Variants in GIGYF2 observed in about 807,000 individuals in gnomAD.
GIGYF2 encodes the protein GRB10 interacting GYF protein 2.
GIGYF2 carries 25 observed loss-of-function variants against 208.1 expected under a neutral mutation model. The observed-to-expected ratio is 0.12, with a 90% CI of 0.09 to 0.17. The LOEUF (loss-of-function observed/expected upper bound fraction) is 0.17. Among genes scored for constraint, GIGYF2 ranks in the 10% least tolerant of loss-of-function variants. GIGYF2 has a pLI of 1.00. For missense variants in GIGYF2, 1,302 were observed against 1,579.4 expected, an observed-to-expected ratio of 0.82 and a Z score of 2.98; for synonymous variants, 534 against 543.8, an observed-to-expected ratio of 0.98 and a Z score of 0.25.
intron 20 of GIGYF2, among the ~76,000 whole-genome samples, chr2:232,817,850 T>TA (rs1244049166): frequency 6.6e-6 from 1 of 152,230 alleles, no homozygotes; most frequent in Non-Finnish European, 1.5e-5. Context: ...GGTGTATAGA[T>TA]ACCTGTTTGA....
chr2:232,737,753 T>C (rs1242165027), intron 3 of GIGYF2, among the ~76,000 whole-genome samples: 1 of 152,054 alleles, frequency 6.6e-6, no homozygotes, highest in Non-Finnish European at 1.5e-5. Flanking sequence ...ATACGGTGTT[T>C]ATTAAGGTCA....
At chr2:232,850,191 C>T in intron 27 of GIGYF2, 71 bp from the exon 28 acceptor site, 2 of 1,311,078 alleles carry the variant, frequency 1.5e-6, no homozygotes, top group South Asian at 2.4e-5. Context: ...TGAGGACAAA[C>T]CAAACATTTT....
intron 13 of GIGYF2, among the ~76,000 whole-genome samples, chr2:232,795,504 C>T (rs1452699761): frequency 6.6e-6 from 1 of 152,164 alleles, no homozygotes; most frequent in Non-Finnish European, 1.5e-5. Context: ...TAAAACGTTT[C>T]ATTTATAATT....
chr2:232,844,450 C>G lies in GIGYF2; in HGVS notation c.3181C>G (p.Leu1061Val). The G allele has an allele frequency of 6.2e-7, 1 of 1,611,736 alleles. No individual in the cohort carries two copies. The highest frequency in any genetic ancestry group is 8.5e-7 in the Non-Finnish European group (1 of 1,177,836). Residue 1061 changes from leucine to valine, a missense_variant, in exon 25 of 29, where the codon CTA becomes GTA. Around this residue, in one of 8 missense-constraint regions of GIGYF2, gnomAD observed 701 missense variants for 793.0 expected, o/e 0.88. Transcript: ENST00000373563. ...TCCTCCTAACCAGTGGGCATCTGACCTAGTCAGTAGTATTTGGAGTAATGC... is the reference window on the plus strand; with the variant it reads ...TCCTCCTAACCAGTGGGCATCTGACGTAGTCAGTAGTATTTGGAGTAATGC... ...TGPPNQWASD[L>V]VSSIWSNADT...
At chr2:232,729,755 C>A in intron 2 of GIGYF2, 1 of 750,452 alleles carries the variant, frequency 1.3e-6, no homozygotes, top group Non-Finnish European at 2.5e-6. Flanking sequence ...CTTATCATCC[C>A]AAGGTTTCAC....
At chr2:232,728,073 A>T (rs981634267) in intron 2 of GIGYF2, among the ~76,000 whole-genome samples, 11 of 152,056 alleles carry the variant, frequency 7.2e-5, no homozygotes, top group African/African-American at 2.4e-4. Context: ...TATTTTATGG[A>T]GTAGGTGTTT....
At chr2:232,835,886 T>A (rs1397389941) in intron 22 of GIGYF2, among the ~76,000 whole-genome samples, 1 of 151,966 alleles carries the variant, frequency 6.6e-6, no homozygotes, top group Admixed American at 6.6e-5. Flanking sequence ...CCTGAGAATA[T>A]CCCTGGTGGT....
chr2:232,816,982 G>A lies in GIGYF2; in HGVS notation c.2320G>A (p.Glu774Lys), dbSNP rs1700934909. 6.2e-7 allele frequency: 1 copy of A among 1,613,538 alleles called. No homozygotes were observed. ...GGAGGAAATTCTTCGGCGACAGCAG[G>A]AAGAAGAAAGGAAAAGGCGAGAGGA... is the stretch of plus-strand genomic sequence containing the variant. The part of the protein sequence containing the change: ...QQEEILRRQQ[E>K]EERKRREEEE... Residue 774 changes from glutamate to lysine, a missense_variant, in exon 20 of 29, where the codon GAA (glutamate) becomes AAA (lysine). By Grantham distance (56) the Glu-to-Lys change is moderately conservative (BLOSUM62 1). This residue lies in a region of GIGYF2 where 701 missense variants were observed against 793.0 expected (regional missense o/e 0.88). Transcript: ENST00000373563.
chr2:232,774,256 A>G lies in GIGYF2; in HGVS notation c.532+12820A>G, dbSNP rs924919592. 3.3e-5 allele frequency among the ~76,000 whole-genome samples: 5 copies of G among 152,290 alleles called. No homozygotes were observed. In the Middle Eastern group the frequency reaches 0.01, roughly 311 times the overall value. ...TTGACCCTGCTTAGCCTTTGTGAAT[A>G]ATACAGTTTCATTTGATTAGTTTTG... is the stretch of plus-strand genomic sequence containing the variant. On this transcript the variant is annotated intron_variant, in intron 8 of 28. Coordinates refer to ENST00000373563, the MANE Select transcript of GIGYF2 (RefSeq NM_001103146.3).
intron 23 of GIGYF2, among the ~76,000 whole-genome samples, chr2:232,840,550 TC>T: frequency 7.0e-6 from 1 of 143,810 alleles, no homozygotes; most frequent in Non-Finnish European, 1.6e-5. Context: ...ATTCATTCAT[TC>T]ATTCAACACA....
chr2:232,779,411 A>G (rs1318304201), intron 8 of GIGYF2, among the ~76,000 whole-genome samples: 3 of 152,234 alleles, frequency 2.0e-5, no homozygotes, highest in Admixed American at 2.0e-4. Flanking sequence ...CTATAAATGT[A>G]TCACATTTTT....
At chr2:232,801,722 A>G (rs1349373974) in intron 14 of GIGYF2, among the ~76,000 whole-genome samples, 1 of 152,112 alleles carries the variant, frequency 6.6e-6, no homozygotes, top group Non-Finnish European at 1.5e-5. Flanking sequence ...ATCTCTTGCT[A>G]TTTTTCAAGA....
chr2:232,854,262 G>A (rs369012564), intron 28 of GIGYF2, among the ~76,000 whole-genome samples: 5 of 152,230 alleles, frequency 3.3e-5, no homozygotes, highest in East Asian at 1.9e-4. Flanking sequence ...GGAGGCCAGC[G>A]TGGGCGGATT....
intron 2 of GIGYF2, among the ~76,000 whole-genome samples, chr2:232,720,937 G>A (rs946183271): frequency 1.3e-5 from 2 of 152,120 alleles, no homozygotes; most frequent in African/African-American, 4.8e-5. Context: ...ATATGTGATA[G>A]ACCTACTTGT....
At position 232,707,548 on chromosome 2, in the gene GIGYF2, G is replaced by A. The variant is rs551026280; in HGVS notation, c.-44+4059G>A. 1.1e-4 allele frequency among the ~76,000 whole-genome samples: 16 copies of A among 152,060 alleles called. 1 individual carries two copies. The South Asian group carries it at 1.9e-3, about 18-fold the overall frequency. The stretch of plus-strand genomic sequence containing the variant: ...CTTCAGTGTAACTGGATTAGCAGCC[G>A]TCCTGCAAGATCAGTGAATCAGAGA... On this transcript the variant is annotated intron_variant, in intron 2 of 28. Transcript: ENST00000373563.
rs983002935 is a variant in GIGYF2 at position 232,770,777 on chromosome 2, T to C, written c.532+9341T>C. 8.6e-6 allele frequency: 6 copies of C among 696,558 alleles called. No homozygotes were observed. The African/African-American group carries it at 1.1e-4, about 13-fold the overall frequency. 43.1% of individuals were successfully genotyped at this position (696,558 alleles called of 1,614,324 possible). ...CTTTTCTATCTTAGACATTACCTGCTATCAATATAGATAAATTATTCTGTA... is the reference window on the plus strand; with the variant it reads ...CTTTTCTATCTTAGACATTACCTGCCATCAATATAGATAAATTATTCTGTA... On this transcript the variant is annotated intron_variant, in intron 8 of 28. Transcript: ENST00000373563.
intron 22 of GIGYF2, among the ~76,000 whole-genome samples, chr2:232,839,586 A>G (rs1426113924): frequency 6.6e-6 from 1 of 152,224 alleles, no homozygotes; most frequent in Non-Finnish European, 1.5e-5. Flanking sequence ...ATTTGTTGTC[A>G]CCAAGAGGTA....
chr2:232,824,023 G>A (rs2106399897), intron 21 of GIGYF2, among the ~76,000 whole-genome samples: 1 of 152,296 alleles, frequency 6.6e-6, no homozygotes, highest in South Asian at 2.1e-4. Context: ...TATTGAAATT[G>A]TTGTGGAGTG....
intron 9 of GIGYF2, among the ~76,000 whole-genome samples, chr2:232,789,835 T>C (rs1327769005): frequency 6.6e-6 from 1 of 152,154 alleles, no homozygotes; most frequent in Non-Finnish European, 1.5e-5. Flanking sequence ...AGTTTCCCTT[T>C]CTTTTTTTTA....
Sources: gnomAD v4.1 joint callset for allele counts (sites outside exome capture counted in the v4.1 genomes callset) on GRCh38, gnomAD v4.1.1 for gene constraint, gnomAD v4.1.1 regional missense constraint, MANE v1.5 for transcripts, NCBI Gene and HGNC (gene_info 2026-07-23, HGNC 2026-07-21) for gene names.